Variants in COL4A1 observed in about 807,000 individuals in gnomAD.
COL4A1 encodes the protein collagen type IV alpha 1 chain, also known as collagen alpha-1(IV) chain.
In COL4A1, 40 loss-of-function variants were observed where a neutral mutation model predicts 216.6. The observed-to-expected ratio is 0.18, with a 90% CI of 0.14 to 0.24. The LOEUF is 0.24. Among genes scored for constraint, COL4A1 ranks in the 10% least tolerant of loss-of-function variants. The probability of loss-of-function intolerance (pLI) is 1.00; values close to 1 mark genes in which losing one functional copy is unlikely to be tolerated. For missense variants in COL4A1, 1,628 were observed against 2,196.8 expected (o/e 0.74, Z 5.18); for synonymous variants, 839 against 810.7 (o/e 1.03, Z -0.59).
At chr13:110,276,498 G>T (rs1039456829) in intron 1 of COL4A1, among the ~76,000 whole-genome samples, 1 of 152,076 alleles carries the variant, frequency 6.6e-6, no homozygotes, top group African/African-American at 2.4e-5. Flanking sequence ...CACCCGGAGC[G>T]TTTTTATACA....
intron 17 of COL4A1, among the ~76,000 whole-genome samples, chr13:110,204,932 T>A (rs769047647): frequency 6.6e-6 from 1 of 152,194 alleles, no homozygotes; most frequent in Non-Finnish European, 1.5e-5. Flanking sequence ...CCTCCTTCTA[T>A]CATTACGTGA....
chr13:110,234,443 G>T (rs9670927), intron 2 of COL4A1, among the ~76,000 whole-genome samples: 19,030 of 151,972 alleles, frequency 0.13, 1,451 homozygotes, highest in Non-Finnish European at 0.18. Flanking sequence ...TTAGCCAGGT[G>T]GGGGGGTACA....
In COL4A1 at chr13:110,155,390, C is replaced by G. The variant is rs774251351; in HGVS notation, c.4648G>C (p.Val1550Leu). Residue 1550 changes from valine (V) to leucine (L), a missense_variant, in exon 50 of 52, where the codon GTG becomes CTG. Transcript: ENST00000375820. ...NIRPFISRCA[V>L]CEAPAMVMAV... ...ATCACCATGGCAGGCGCCTCACACA[C>G]AGCACACCTGGAAGTGGAGCAGAGA... The G allele has an allele frequency of 1.2e-6, 2 of 1,613,664 alleles. No individual in the cohort carries two copies. The highest frequency in any genetic ancestry group is 1.7e-6 in the Non-Finnish European group (2 of 1,179,644).
Position 110,150,416 on chromosome 13 carries a change from C to G in COL4A1, c.4957G>C (p.Gly1653Arg). 1 of 1,614,102 alleles carries G rather than the reference C, an allele frequency of 6.2e-7. No individual in the cohort carries two copies. The highest frequency in any genetic ancestry group is 8.5e-7 in the Non-Finnish European group (1 of 1,180,016). ...KKPTPSTLKA[G>R]ELRTHVSRCQ... The stretch of plus-strand genomic sequence containing the variant: ...CGGCTGACGTGCGTGCGCAGCTCCC[C>G]TGCCTTCAAGGTGGACGGCGTAGGC... Residue 1653 changes from glycine (G) to arginine (R), a missense_variant, in exon 52 of 52, where the codon GGG becomes CGG. By Grantham distance (125) the Gly-to-Arg change is moderately radical. Transcript: ENST00000375820.
chr13:110,186,360 G>C lies in COL4A1; in HGVS notation c.1897+25C>G, dbSNP rs547394952. 19 of 1,612,046 alleles carry C rather than the reference G, an allele frequency of 1.2e-5. No individual in the cohort carries two copies. The East Asian group carries it at 3.8e-4, about 32-fold the overall frequency. On this transcript the variant is annotated intron_variant, in intron 26 of 51. Coordinates refer to ENST00000375820, the MANE Select transcript of COL4A1 (RefSeq NM_001845.6). ...TAACCTCCGTTTACAACTTCATGCT[G>C]CATCACGAGTTTCTCAGGCCTCACC...
intron 1 of COL4A1, among the ~76,000 whole-genome samples, chr13:110,249,375 A>G (rs1403480810): frequency 6.6e-6 from 1 of 152,178 alleles, no homozygotes. Context: ...TGTTCACAGC[A>G]GCACTATCCA....
intron 1 of COL4A1, among the ~76,000 whole-genome samples, chr13:110,272,354 C>A (rs1281356121): frequency 2.0e-5 from 3 of 152,222 alleles, no homozygotes; most frequent in Non-Finnish European, 2.9e-5. Flanking sequence ...CTGACTCTGC[C>A]TTTTCTGCAT....
In COL4A1 at chr13:110,174,867, T is replaced by A. The variant is rs1164549875; in HGVS notation, c.3199-118A>T. 4.5e-5 allele frequency: 46 copies of A among 1,033,370 alleles called. 1 individual carries two copies. The South Asian group carries it at 5.4e-4, about 12-fold the overall frequency. 64.0% of individuals were successfully genotyped at this position (1,033,370 alleles called of 1,614,324 possible). A position where few individuals can be genotyped will look rare whatever the true frequency, so the allele number is the denominator to read the frequency against. On this transcript the variant is annotated intron_variant, in intron 37 of 51. Transcript: ENST00000375820. The stretch of plus-strand genomic sequence containing the variant: ...ATGAATATTGCATTGCAAAACTCCA[T>A]TTCCAGATTTCTCATCAAAGAATCA...
chr13:110,303,779 T>G (rs1252297245), intron 1 of COL4A1, among the ~76,000 whole-genome samples: 1 of 152,196 alleles, frequency 6.6e-6, no homozygotes, highest in Non-Finnish European at 1.5e-5. Flanking sequence ...TCACCTGACC[T>G]TCCTGAGGAC....
intron 1 of COL4A1, among the ~76,000 whole-genome samples, chr13:110,256,746 G>C (rs545445893): frequency 1.3e-5 from 2 of 152,034 alleles, no homozygotes; most frequent in East Asian, 3.8e-4. Flanking sequence ...ACCGGCGGCG[G>C]GGGGGTCTAT....
chr13:110,226,182 A>G (rs183379724), intron 2 of COL4A1, among the ~76,000 whole-genome samples: 26 of 152,350 alleles, frequency 1.7e-4, no homozygotes, highest in African/African-American at 5.3e-4. Flanking sequence ...TAAGACAGAC[A>G]TAAGAAAATT....
At chr13:110,198,383 A>G (rs1879004680) in intron 21 of COL4A1, 84 bp downstream of exon 21, 1 of 1,440,796 alleles carries the variant, frequency 6.9e-7, no homozygotes, top group East Asian at 2.3e-5. Context: ...GCTGTGGGGG[A>G]CTATCACAGC....
intron 26 of COL4A1, among the ~76,000 whole-genome samples, chr13:110,185,840 C>T (rs1438562197): frequency 3.3e-5 from 5 of 152,228 alleles, no homozygotes; most frequent in South Asian, 4.1e-4. Flanking sequence ...GCAGGGACCA[C>T]GTCTGTGGTT....
At chr13:110,189,435 C>A (rs1001263240) in intron 24 of COL4A1, among the ~76,000 whole-genome samples, 1 of 152,224 alleles carries the variant, frequency 6.6e-6, no homozygotes. Context: ...TGACGTAGCA[C>A]GCTCCTGTCA....
intron 42 of COL4A1, 149 bp from the exon 43 acceptor site, chr13:110,169,911 G>A: frequency 2.1e-6 from 2 of 940,484 alleles, no homozygotes; most frequent in Non-Finnish European, 3.2e-6. Flanking sequence ...ATCGAGGCAG[G>A]TCCAGGAAGG....
intron 48 of COL4A1, 105 bp from the exon 49 acceptor site, chr13:110,161,474 C>T (rs1877084781): frequency 1.6e-6 from 2 of 1,281,474 alleles, no homozygotes. Flanking sequence ...ATATAATCAA[C>T]ATAATCACTG....
chr13:110,239,018 G>A (rs573978083), intron 2 of COL4A1, among the ~76,000 whole-genome samples: 1 of 152,256 alleles, frequency 6.6e-6, no homozygotes, highest in East Asian at 1.9e-4. Flanking sequence ...TGTGTGCAAG[G>A]CCAAATTAAT....
intron 1 of COL4A1, among the ~76,000 whole-genome samples, chr13:110,291,234 A>T (rs1048949115): frequency 2.6e-5 from 4 of 152,224 alleles, no homozygotes; most frequent in Non-Finnish European, 5.9e-5. Flanking sequence ...CTCTTTGATC[A>T]TCTTCACGTT....
At chr13:110,191,164 G>A (rs1054732246) in intron 24 of COL4A1, 8 of 152,544 alleles carry the variant, frequency 5.2e-5, no homozygotes, top group African/African-American at 1.7e-4. Flanking sequence ...AAGTTCTGGA[G>A]AGCAAAAGCC....
Sources: allele counts gnomAD v4.1 joint callset (sites outside exome capture counted in the v4.1 genomes callset), GRCh38; gene constraint gnomAD v4.1.1; transcripts MANE v1.5; gene names NCBI Gene and HGNC (gene_info 2026-07-23, HGNC 2026-07-21).